KIF18A: variants seen among roughly 807,000 people sequenced by gnomAD.
The protein encoded by KIF18A is kinesin family member 18A, also known as kinesin-like protein KIF18A.
In KIF18A, 67 loss-of-function variants were observed where a neutral mutation model predicts 103.3. That is an observed-to-expected ratio of 0.65 (90% CI 0.53 to 0.79). The LOEUF (loss-of-function observed/expected upper bound fraction) is 0.79, where lower values mean the gene tolerates loss of function less well. KIF18A is among the 30% of genes least tolerant of loss of function. The probability of loss-of-function intolerance (pLI) is 0.00; values close to 1 mark genes in which losing one functional copy is unlikely to be tolerated. For synonymous variants in KIF18A, 367 were observed against 355.5 expected, an observed-to-expected ratio of 1.03 and a Z score of -0.36; for missense variants, 1,032 against 1,062.5, an observed-to-expected ratio of 0.97 and a Z score of 0.40.
At chr11:28,057,121 C>T (rs1390845511) in intron 13 of KIF18A, among the ~76,000 whole-genome samples, 1 of 151,914 alleles carries the variant, frequency 6.6e-6, no homozygotes, top group African/African-American at 2.4e-5. Context: ...GCCCCTCAAA[C>T]CCATAACAAA....
At chr11:28,056,938 A>G (rs1264200527) in intron 13 of KIF18A, 3 of 390,932 alleles carry the variant, frequency 7.7e-6, no homozygotes, top group South Asian at 3.7e-5. Context: ...TAAACACCAG[A>G]TCCCAAGAAA....
chr11:28,093,495 A>C (rs761745487), intron 3 of KIF18A, among the ~76,000 whole-genome samples: 3 of 152,136 alleles, frequency 2.0e-5, no homozygotes, highest in African/African-American at 4.8e-5. Context: ...CACTATTTGA[A>C]TGCAAAGTTA....
At chr11:28,068,859 C>T (rs866797135) in intron 11 of KIF18A, among the ~76,000 whole-genome samples, 3 of 152,170 alleles carry the variant, frequency 2.0e-5, no homozygotes, top group South Asian at 2.1e-4. Flanking sequence ...CTGTCATTAC[C>T]CATCACTACA....
At chr11:28,081,165 A>AGCAGCAAGTGCTGATGTAGAAGCT (rs1372882204) in intron 9 of KIF18A, among the ~76,000 whole-genome samples, 2 of 152,196 alleles carry the variant, frequency 1.3e-5, no homozygotes, top group African/African-American at 4.8e-5. Context: ...GTCTAGGTGA[A>AGCAGCAAGTGCTGATGTAGAAGCT]GCAGCAAGTG....
chr11:28,036,458 T>C lies in KIF18A; in HGVS notation c.2155A>G (p.Thr719Ala). 1.9e-6 allele frequency: 3 copies of C among 1,611,114 alleles called. 1 individual carries two copies. The highest frequency in any genetic ancestry group is 2.2e-5 in the South Asian group (2 of 91,006). The change falls in exon 14 of 17, where the codon ACA (threonine) becomes GCA (alanine). Residue 719 changes from threonine (T) to alanine (A), a missense_variant. Physicochemically the swap from Thr to Ala is moderately conservative, Grantham distance 58 (BLOSUM62 0). Coordinates refer to ENST00000263181, the MANE Select transcript of KIF18A (RefSeq NM_031217.4). ...GATGATGGTTTCATTAAGGTTACTGTAGACGGATTTTGAAAAGCTTTTCTA... is the reference window on the plus strand; with the variant it reads ...GATGATGGTTTCATTAAGGTTACTGCAGACGGATTTTGAAAAGCTTTTCTA... ...DCRKAFQNPS[T>A]VTLMKPSSFT...
chr11:28,036,533 C>A lies in KIF18A; in HGVS notation c.2080G>T (p.Asp694Tyr). 1 of 1,611,278 alleles carries A rather than the reference C, an allele frequency of 6.2e-7. No individual in the cohort carries two copies. The highest frequency in any genetic ancestry group is 8.5e-7 in the Non-Finnish European group (1 of 1,178,272). Reference sequence around the variant, plus strand: ...GGCTGAAGTTCTTTGCTAAGAGAATCATTGAGCTGCACACTTTGAGATGGT... The same window carrying A: ...GGCTGAAGTTCTTTGCTAAGAGAATAATTGAGCTGCACACTTTGAGATGGT... ...SPPSQSVQLNDSLSKELQPIV... is the reference protein window; with the variant it reads ...SPPSQSVQLNYSLSKELQPIV... The change falls in exon 14 of 17, where the codon GAT becomes TAT. Residue 694 changes from aspartate to tyrosine, a missense_variant. Coordinates refer to ENST00000263181, the MANE Select transcript of KIF18A (RefSeq NM_031217.4).
chr11:28,078,013 T>C (rs898677596), intron 9 of KIF18A, among the ~76,000 whole-genome samples: 1 of 152,184 alleles, frequency 6.6e-6, no homozygotes, highest in African/African-American at 2.4e-5. Flanking sequence ...TTTTAAAATA[T>C]ATTCATGGTT....
chr11:28,104,578 C>T (rs1565093784), intron 1 of KIF18A, among the ~76,000 whole-genome samples: 1 of 152,092 alleles, frequency 6.6e-6, no homozygotes, highest in African/African-American at 2.4e-5. Flanking sequence ...TGTCACCCTG[C>T]CTTTGCTTCT....
At chr11:28,062,272 C>T (rs971359327) in intron 12 of KIF18A, 123 bp downstream of exon 12, 3 of 787,984 alleles carry the variant, frequency 3.8e-6, no homozygotes, top group South Asian at 3.1e-5. Context: ...CTGGTTCAGA[C>T]AGACACTTAA....
chr11:28,076,413 C>T (rs937135816), intron 10 of KIF18A: 2 of 152,202 alleles, frequency 1.3e-5, no homozygotes, highest in Admixed American at 6.5e-5. Flanking sequence ...GGGTAAACTT[C>T]GTGTTAAAAG....
intron 2 of KIF18A, among the ~76,000 whole-genome samples, chr11:28,096,403 A>G (rs773071365): frequency 1.3e-4 from 20 of 152,142 alleles, no homozygotes; most frequent in Admixed American, 4.6e-4. Flanking sequence ...ACTTTGTTCT[A>G]TTTTATGTAA....
chr11:28,023,185 C>G (rs1338108761), intron 16 of KIF18A, among the ~76,000 whole-genome samples: 1 of 152,168 alleles, frequency 6.6e-6, no homozygotes, highest in Non-Finnish European at 1.5e-5. Flanking sequence ...ACCATAAACT[C>G]ATGTCACTCC....
At chr11:28,097,587 G>T (rs756540758) in intron 2 of KIF18A, 36 bp downstream of exon 2, 6 of 1,332,664 alleles carry the variant, frequency 4.5e-6, no homozygotes, top group Non-Finnish European at 6.5e-6. Context: ...AAGTGAAATC[G>T]GATAGAGAAA....
intron 10 of KIF18A, among the ~76,000 whole-genome samples, chr11:28,074,782 G>A (rs147285063): frequency 1.3e-5 from 2 of 152,158 alleles, no homozygotes; most frequent in East Asian, 3.9e-4. Context: ...AAACATGTTT[G>A]GGGTGGTAGT....
At chr11:28,074,030 A>G (rs1646968264) in intron 10 of KIF18A, among the ~76,000 whole-genome samples, 2 of 152,286 alleles carry the variant, frequency 1.3e-5, no homozygotes, top group African/African-American at 2.4e-5. Flanking sequence ...ACTATGTAAT[A>G]TAAGTGCTAA....
At chr11:28,060,915 T>C (rs1704434848) in intron 12 of KIF18A, among the ~76,000 whole-genome samples, 1 of 152,188 alleles carries the variant, frequency 6.6e-6, no homozygotes, top group South Asian at 2.1e-4. Context: ...GCTGGAGGAA[T>C]TGTGCACATT....
chr11:28,069,119 C>A, intron 11 of KIF18A, 140 bp downstream of exon 11: 2 of 674,446 alleles, frequency 3.0e-6, no homozygotes, highest in South Asian at 2.0e-5. Flanking sequence ...TTAGAAATAA[C>A]ATTTAAAAGT....
At chr11:28,088,788 ACT>A (rs1257017511) in intron 5 of KIF18A, 67 bp from the exon 6 acceptor site, 2 of 1,169,064 alleles carry the variant, frequency 1.7e-6, no homozygotes, top group Admixed American at 4.3e-5. Context: ...GGAAATATAT[ACT>A]TTAATAGAGC....
Position 28,097,800 on chromosome 11 carries a change from C to G in KIF18A, c.148G>C (p.Glu50Gln). The G allele has an allele frequency of 6.2e-7, 1 of 1,613,306 alleles. No individual in the cohort carries two copies. Among genetic ancestry groups the G allele is most frequent in the South Asian group, 1.1e-5 (1 of 91,018 alleles). Reference sequence around the variant, plus strand: ...TTCTTTCCATGGAAAAAACTGACTTCTTCTTGTTTGGGATCAAAAACTAGG... The same window carrying G: ...TTCTTTCCATGGAAAAAACTGACTTGTTCTTGTTTGGGATCAAAAACTAGG... ...HILVFDPKQE[E>Q]VSFFHGKKTT... The change falls in exon 2 of 17, where the codon GAA becomes CAA. Residue 50 changes from glutamate (E) to glutamine (Q), a missense_variant. Coordinates refer to ENST00000263181, the MANE Select transcript of KIF18A (RefSeq NM_031217.4).
Sources: gnomAD v4.1 joint callset for allele counts (sites outside exome capture counted in the v4.1 genomes callset) on GRCh38, gnomAD v4.1.1 for gene constraint, MANE v1.5 for transcripts, NCBI Gene and HGNC (gene_info 2026-07-23, HGNC 2026-07-21) for gene names.